The following CCDC83 variants were observed in gnomAD, a reference collection of about 807,000 sequenced individuals.
CCDC83 encodes the protein coiled-coil domain containing 83.
Under a neutral mutation model 50.1 loss-of-function variants are expected in CCDC83, and 54 were observed. The observed-to-expected ratio is 1.08, with a 90% CI of 0.87 to 1.35. The LOEUF (loss-of-function observed/expected upper bound fraction) is 1.35. CCDC83 is among the 40% of genes most tolerant of loss of function. The probability of loss-of-function intolerance (pLI) is 0.00; values close to 1 mark genes in which losing one functional copy is unlikely to be tolerated. For synonymous variants in CCDC83, 161 were observed against 153.3 expected, an observed-to-expected ratio of 1.05 and a Z score of -0.37; for missense variants, 518 against 473.9, an observed-to-expected ratio of 1.09 and a Z score of -0.86.
intron 7 of CCDC83, among the ~76,000 whole-genome samples, chr11:85,908,222 T>C (rs2093433939): frequency 6.6e-6 from 1 of 152,114 alleles, no homozygotes; most frequent in Non-Finnish European, 1.5e-5. Flanking sequence ...TTATTTGTGG[T>C]TTTAATCATT....
chr11:85,877,195 C>G (rs1204233482), intron 3 of CCDC83, among the ~76,000 whole-genome samples: 1 of 152,146 alleles, frequency 6.6e-6, no homozygotes, highest in Admixed American at 6.5e-5. Context: ...GCAGGCCAGG[C>G]ACAGTGGCTC....
At chr11:85,869,513 A>G (rs945040855) in intron 2 of CCDC83, among the ~76,000 whole-genome samples, 1 of 152,200 alleles carries the variant, frequency 6.6e-6, no homozygotes, top group Admixed American at 6.5e-5. Flanking sequence ...CAGAATTTTC[A>G]ATGAAATTGC....
intron 1 of CCDC83, among the ~76,000 whole-genome samples, chr11:85,856,010 C>T (rs1334959409): frequency 6.6e-6 from 1 of 152,100 alleles, no homozygotes; most frequent in African/African-American, 2.4e-5. Flanking sequence ...ACTTCTTGCT[C>T]TGGATACTAC....
chr11:85,856,999 C>A (rs1201718034), intron 1 of CCDC83, among the ~76,000 whole-genome samples: 6 of 152,172 alleles, frequency 3.9e-5, no homozygotes, highest in Admixed American at 3.9e-4. Context: ...TACCTGGGAA[C>A]CCCCTGCCCA....
intron 1 of CCDC83, among the ~76,000 whole-genome samples, chr11:85,863,201 G>T (rs1365026344): frequency 6.6e-6 from 1 of 152,144 alleles, no homozygotes; most frequent in Non-Finnish European, 1.5e-5. Context: ...ATTACTAAAT[G>T]GTAAGTTATT....
chr11:85,910,167 G>A (rs760697080), intron 7 of CCDC83, among the ~76,000 whole-genome samples: 7 of 152,128 alleles, frequency 4.6e-5, no homozygotes, highest in Admixed American at 2.0e-4. Context: ...CCTTATCCCC[G>A]ACAACTGATA....
intron 4 of CCDC83, among the ~76,000 whole-genome samples, chr11:85,885,740 A>C (rs545868192): frequency 6.0e-4 from 91 of 152,370 alleles, no homozygotes; most frequent in Middle Eastern, 3.4e-3. Context: ...TGACTGAATC[A>C]AACAATTTAC....
intron 2 of CCDC83, among the ~76,000 whole-genome samples, chr11:85,867,424 A>G (rs1352388776): frequency 6.6e-5 from 10 of 152,240 alleles, no homozygotes; most frequent in Non-Finnish European, 1.5e-4. Flanking sequence ...ACATTCAGGG[A>G]AAATCTGTCT....
intron 3 of CCDC83, among the ~76,000 whole-genome samples, chr11:85,879,373 C>T (rs2093286347): frequency 6.6e-6 from 1 of 152,048 alleles, no homozygotes; most frequent in Admixed American, 6.6e-5. Context: ...GTTGCGTCTG[C>T]ACTATTAGTT....
chr11:85,885,476 G>C (rs1353878723), intron 4 of CCDC83, among the ~76,000 whole-genome samples: 1 of 152,190 alleles, frequency 6.6e-6, no homozygotes, highest in Non-Finnish European at 1.5e-5. Flanking sequence ...TAAGTTTGTT[G>C]TACTTGACTC....
At chr11:85,877,375 G>A (rs2093275053) in intron 3 of CCDC83, among the ~76,000 whole-genome samples, 1 of 152,188 alleles carries the variant, frequency 6.6e-6, no homozygotes, top group Non-Finnish European at 1.5e-5. Flanking sequence ...AGGGGGCTGA[G>A]GCAGGAAGAT....
intron 2 of CCDC83, among the ~76,000 whole-genome samples, chr11:85,868,435 C>T (rs2093219797): frequency 6.6e-6 from 1 of 152,168 alleles, no homozygotes; most frequent in Admixed American, 6.5e-5. Context: ...AGTGCAGTGG[C>T]ATGATCTCGG....
intron 3 of CCDC83, among the ~76,000 whole-genome samples, chr11:85,877,136 A>G (rs1163227252): frequency 6.6e-6 from 1 of 152,206 alleles, no homozygotes; most frequent in Non-Finnish European, 1.5e-5. Flanking sequence ...ATTAATATAG[A>G]TGATATTAAA....
At chr11:85,908,430 G>A (rs368703416) in intron 7 of CCDC83, among the ~76,000 whole-genome samples, 17 of 152,036 alleles carry the variant, frequency 1.1e-4, no homozygotes, top group South Asian at 8.3e-4. Flanking sequence ...GCGGGCGCCC[G>A]TGGAAGGCAC....
At chr11:85,865,792 G>GCAGGAGAATTGCTCAAACC (rs1205875657) in intron 2 of CCDC83, among the ~76,000 whole-genome samples, 1 of 151,948 alleles carries the variant, frequency 6.6e-6, no homozygotes, top group Admixed American at 6.6e-5. Flanking sequence ...GGAGACTGAG[G>GCAGGAGAATTGCTCAAACC]CAGGAGAATT....
chr11:85,906,532 C>T (rs1473792975), intron 7 of CCDC83, among the ~76,000 whole-genome samples: 1 of 151,730 alleles, frequency 6.6e-6, no homozygotes, highest in African/African-American at 2.4e-5. Flanking sequence ...AAATAAATGA[C>T]AGAAAAAAAA....
chr11:85,857,174 C>G (rs143428806), intron 1 of CCDC83, among the ~76,000 whole-genome samples: 1 of 152,172 alleles, frequency 6.6e-6, no homozygotes, highest in Non-Finnish European at 1.5e-5. Context: ...AACCAGATGC[C>G]GGGCCTGACG....
intron 2 of CCDC83, among the ~76,000 whole-genome samples, chr11:85,872,359 C>T (rs1391467833): frequency 1.3e-5 from 2 of 152,082 alleles, no homozygotes; most frequent in Non-Finnish European, 2.9e-5. Context: ...GGGGCAGGCG[C>T]CTATAATCCC....
chr11:85,890,481 C>A (rs897063430), intron 5 of CCDC83, among the ~76,000 whole-genome samples: 26 of 152,104 alleles, frequency 1.7e-4, no homozygotes, highest in Non-Finnish European at 3.5e-4. Flanking sequence ...CAGGGACCAA[C>A]AGAAAAGTTG....
Sources: gnomAD v4.1 joint callset for allele counts (sites outside exome capture counted in the v4.1 genomes callset) on GRCh38, gnomAD v4.1.1 for gene constraint, MANE v1.5 for transcripts, NCBI Gene and HGNC (gene_info 2026-07-23, HGNC 2026-07-21) for gene names.